PRKCI: variants seen among roughly 807,000 people sequenced by gnomAD.
PRKCI encodes protein kinase C iota, also known as protein kinase C iota type.
PRKCI carries 43 observed loss-of-function variants against 84.0 expected under a neutral mutation model. The ratio of observed to expected loss-of-function variants is 0.51; its 90% CI spans 0.40 to 0.66. The LOEUF (loss-of-function observed/expected upper bound fraction) is 0.66, where lower values mean the gene tolerates loss of function less well. Ranked by LOEUF, PRKCI falls within the 30% of genes least tolerant of loss-of-function variation. The pLI, the probability that PRKCI is intolerant of heterozygous loss-of-function variation, is 0.00. For synonymous variants in PRKCI, 216 were observed against 234.4 expected (o/e 0.92, Z 0.72); for missense variants, 459 against 745.6 (o/e 0.62, Z 4.48).
At chr3:170,225,123 A>G (rs184865423) in intron 1 of PRKCI, among the ~76,000 whole-genome samples, 10 of 152,330 alleles carry the variant, frequency 6.6e-5, no homozygotes, top group Admixed American at 5.2e-4. Flanking sequence ...TCAAGGTAAC[A>G]TTGTCTTTTA....
chr3:170,288,220 TGG>T, intron 12 of PRKCI, among the ~76,000 whole-genome samples: 1 of 151,808 alleles, frequency 6.6e-6, no homozygotes. Context: ...CATTCCAGCC[TGG>T]GCAACAGAGT....
chr3:170,261,418 A>G (rs1733722864), intron 3 of PRKCI, among the ~76,000 whole-genome samples: 1 of 149,480 alleles, frequency 6.7e-6, no homozygotes, highest in Non-Finnish European at 1.5e-5. Context: ...TCAGTGCCTT[A>G]TTATTATTTC....
chr3:170,249,234 A>G (rs745624573), intron 2 of PRKCI, among the ~76,000 whole-genome samples: 1 of 152,134 alleles, frequency 6.6e-6, no homozygotes. Context: ...ACAGTTTGCT[A>G]TGTATTTGAT....
Position 170,263,686 on chromosome 3 carries a change from A to G in PRKCI, c.364+257A>G, listed in dbSNP as rs567889981. On this transcript the variant is annotated intron_variant, in intron 4 of 17. Transcript: ENST00000295797. The stretch of plus-strand genomic sequence containing the variant: ...ATGGTGTGTGCCTATAATCTCAGCT[A>G]CTTGGGAGGTTGAGGTGGGAGGATC... 2.0e-5 allele frequency among the ~76,000 whole-genome samples: 3 copies of G among 152,092 alleles called. 1 individual carries two copies. In the South Asian group the frequency reaches 6.2e-4, roughly 32 times the overall value.
chr3:170,267,912 C>T lies in PRKCI; in HGVS notation c.365-3C>T, dbSNP rs1733903912. 1 of 1,591,512 alleles carries T rather than the reference C, an allele frequency of 6.3e-7. No homozygotes were observed. Among genetic ancestry groups the T allele is most frequent in the African/African-American group, 1.3e-5 (1 of 74,318 alleles). ...CTTTTTTTAACTATTACTCTGTCTT[C>T]AGAATCCATCTACCGTAGAGGTGCA... On this transcript the variant is annotated splice_region_variant and splice_polypyrimidine_tract_variant and intron_variant, in intron 4 of 17. Coordinates refer to ENST00000295797, the MANE Select transcript of PRKCI (RefSeq NM_002740.6).
chr3:170,281,312 C>T (rs759922032), intron 10 of PRKCI, 49 bp downstream of exon 10: 56 of 1,473,746 alleles, frequency 3.8e-5, no homozygotes, highest in Non-Finnish European at 4.8e-5. Context: ...TATTTTTGGT[C>T]ATATTACACA....
rs547775390 is a variant in PRKCI at position 170,230,721 on chromosome 3, C to T, written c.102-4509C>T. Among the ~76,000 whole-genome samples the T allele has an allele frequency of 1.4e-3, 217 of 151,976 alleles. 2 individuals are homozygous for T. The highest frequency in any genetic ancestry group is 4.6e-3 in the African/African-American group (190 of 41,464). On this transcript the variant is annotated intron_variant, in intron 1 of 17. Coordinates refer to ENST00000295797, the MANE Select transcript of PRKCI (RefSeq NM_002740.6). ...AGGGTACTGACACAACTTTTTTTTT[C>T]TCCAAAATTTATTCTAATACCATTA...
intron 6 of PRKCI, among the ~76,000 whole-genome samples, chr3:170,270,767 A>G (rs532328137): frequency 1.3e-5 from 2 of 152,204 alleles, no homozygotes; most frequent in South Asian, 2.1e-4. Context: ...TGTCTGTGGG[A>G]CACAGTTAAC....
At chr3:170,295,718 G>A (rs991175087) in intron 14 of PRKCI, among the ~76,000 whole-genome samples, 193 bp from the exon 15 acceptor site, 9 of 151,228 alleles carry the variant, frequency 6.0e-5, no homozygotes, top group Non-Finnish European at 1.2e-4. Flanking sequence ...TGATGGTGGC[G>A]CCTGTGGTCC....
intron 2 of PRKCI, among the ~76,000 whole-genome samples, chr3:170,246,632 T>A (rs1226216626): frequency 6.6e-6 from 1 of 152,174 alleles, no homozygotes; most frequent in Non-Finnish European, 1.5e-5. Context: ...AGAGAACTAG[T>A]GTACCCTTTA....
Position 170,284,669 on chromosome 3 carries a change from A to G in PRKCI, c.1203+73A>G, listed in dbSNP as rs1236948871. ...GTCTTTGTAAAATAACTTCATGTTTAAAGATGAGGAAATGATTACTAATTT... is the reference window on the plus strand; with the variant it reads ...GTCTTTGTAAAATAACTTCATGTTTGAAGATGAGGAAATGATTACTAATTT... On this transcript the variant is annotated intron_variant, in intron 12 of 17. Transcript: ENST00000295797. The G allele has an allele frequency of 2.8e-6, 4 of 1,444,822 alleles. No homozygotes were observed. The Admixed American group carries it at 9.4e-5, about 34-fold the overall frequency. 89.5% of individuals were successfully genotyped at this position (1,444,822 alleles called of 1,614,324 possible).
At chr3:170,288,596 A>G (rs1042705150) in intron 12 of PRKCI, among the ~76,000 whole-genome samples, 2 of 152,014 alleles carry the variant, frequency 1.3e-5, no homozygotes, top group African/African-American at 4.8e-5. Flanking sequence ...TAAAACCACA[A>G]AAACTAGCCA....
intron 13 of PRKCI, 148 bp downstream of exon 13, chr3:170,292,089 C>T: frequency 1.6e-6 from 1 of 645,146 alleles, no homozygotes; most frequent in Admixed American, 2.7e-5. Context: ...CATGGAGAGT[C>T]CCAGACTTTG....
chr3:170,286,555 A>G (rs1415560782), intron 12 of PRKCI, among the ~76,000 whole-genome samples: 2 of 138,044 alleles, frequency 1.4e-5, no homozygotes, highest in Admixed American at 7.9e-5. Flanking sequence ...TATGTACAAG[A>G]GTTTAAAGAA....
intron 8 of PRKCI, among the ~76,000 whole-genome samples, chr3:170,277,693 C>CAA (rs113442053): frequency 0.032 from 2,574 of 79,202 alleles, 43 homozygotes; most frequent in East Asian, 0.15. Flanking sequence ...GACTCCGTCT[C>CAA]AAAAAAAAAA....
At chr3:170,251,341 A>G (rs1733437935) in intron 2 of PRKCI, among the ~76,000 whole-genome samples, 1 of 152,216 alleles carries the variant, frequency 6.6e-6, no homozygotes, top group Admixed American at 6.5e-5. Flanking sequence ...TGAAAAAGAA[A>G]GTTTGGAAAG....
intron 2 of PRKCI, among the ~76,000 whole-genome samples, chr3:170,237,679 AG>A (rs1373463981): frequency 6.6e-6 from 1 of 152,242 alleles, no homozygotes; most frequent in Non-Finnish European, 1.5e-5. Flanking sequence ...CCTGATATAA[AG>A]AACTCTGGAA....
Position 170,280,543 on chromosome 3 carries a change from G to A in PRKCI, c.882+140G>A, listed in dbSNP as rs1388225571. 4.3e-6 allele frequency: 3 copies of A among 690,540 alleles called. No homozygotes were observed. The East Asian group carries it at 9.8e-5, about 23-fold the overall frequency. The allele number at this position is 690,540 out of a possible 1,614,324, so 42.8% of individuals were successfully genotyped here. A position where few individuals can be genotyped will look rare whatever the true frequency, so the allele number is the denominator to read the frequency against. ...GGCTCACTGCAACCTCTGCCTCCCA[G>A]GTTCAAGTGATTCTCCTGCCTCAGC... On this transcript the variant is annotated intron_variant, in intron 9 of 17. Transcript: ENST00000295797.
At chr3:170,232,466 A>G (rs939214146) in intron 1 of PRKCI, among the ~76,000 whole-genome samples, 1 of 152,134 alleles carries the variant, frequency 6.6e-6, no homozygotes, top group East Asian at 1.9e-4. Context: ...CCTGGGCTCA[A>G]GCTGCACTTA....
Sources: gnomAD v4.1 joint callset for allele counts (sites outside exome capture counted in the v4.1 genomes callset) on GRCh38, gnomAD v4.1.1 for gene constraint, MANE v1.5 for transcripts, NCBI Gene and HGNC (gene_info 2026-07-23, HGNC 2026-07-21) for gene names.